DTNA: variants seen among roughly 807,000 people sequenced by gnomAD.
DTNA encodes the protein dystrophin-related protein 3.
Under a neutral mutation model 100.7 loss-of-function variants are expected in DTNA, and 43 were observed. That is an observed-to-expected ratio of 0.43 (90% CI 0.33 to 0.55). DTNA has a LOEUF of 0.55. Ranked by LOEUF, DTNA falls within the 20% of genes least tolerant of loss-of-function variation. DTNA has a pLI of 0.04. For missense variants in DTNA, 798 were observed against 953.9 expected, an observed-to-expected ratio of 0.84 and a Z score of 2.15; for synonymous variants, 349 against 347.9, an observed-to-expected ratio of 1.00 and a Z score of -0.04.
intron 1 of DTNA, chr18:34,558,163 C>A (rs2730108): frequency 0.2 from 30,150 of 152,902 alleles, 3,510 homozygotes; most frequent in African/African-American, 0.31. Context: ...TTCTTTGACT[C>A]GGAAAGGGAA....
intron 1 of DTNA, among the ~76,000 whole-genome samples, chr18:34,575,027 C>A (rs150194763): frequency 2.0e-5 from 3 of 152,194 alleles, no homozygotes; most frequent in African/African-American, 7.2e-5. Flanking sequence ...AGTACAACAA[C>A]GTAGAAATAA....
intron 1 of DTNA, among the ~76,000 whole-genome samples, chr18:34,545,178 G>T (rs139917492): frequency 2.6e-5 from 4 of 151,960 alleles, no homozygotes; most frequent in Non-Finnish European, 5.9e-5. Flanking sequence ...TCCAGGCAGC[G>T]CTTGGAACAA....
At chr18:34,748,984 A>T (rs12961782) in intron 1 of DTNA, among the ~76,000 whole-genome samples, 11,322 of 152,110 alleles carry the variant, frequency 0.074, 488 homozygotes, top group African/African-American at 0.091. Flanking sequence ...TTCTTTCAGC[A>T]GTGTTTTATA....
At chr18:34,572,468 C>A (rs1237490840) in intron 1 of DTNA, among the ~76,000 whole-genome samples, 5 of 152,028 alleles carry the variant, frequency 3.3e-5, no homozygotes, top group African/African-American at 1.2e-4. Context: ...CTGGGTGAGG[C>A]CAATATTATT....
chr18:34,521,268 T>A (rs901147011), intron 1 of DTNA, among the ~76,000 whole-genome samples: 1 of 152,108 alleles, frequency 6.6e-6, no homozygotes, highest in Non-Finnish European at 1.5e-5. Context: ...GTAAGTTCTG[T>A]CAGCTGTGCC....
intron 1 of DTNA, among the ~76,000 whole-genome samples, chr18:34,644,132 C>T (rs1568104538): frequency 6.6e-6 from 1 of 152,130 alleles, no homozygotes; most frequent in East Asian, 1.9e-4. Context: ...GCTTCCCTCA[C>T]CAGATCGTGG....
chr18:34,625,157 C>T (rs1378285488), intron 1 of DTNA, among the ~76,000 whole-genome samples: 1 of 152,118 alleles, frequency 6.6e-6, no homozygotes, highest in Non-Finnish European at 1.5e-5. Flanking sequence ...GCCTCAGCCT[C>T]CTGAGTAGCT....
chr18:34,824,953 AT>A (rs1232064350), intron 9 of DTNA, among the ~76,000 whole-genome samples: 5 of 133,632 alleles, frequency 3.7e-5, no homozygotes, highest in African/African-American at 1.3e-4. Flanking sequence ...AAAAAAAAAA[AT>A]TAAATCAATA....
chr18:34,797,746 T>G (rs1027910182), intron 4 of DTNA, among the ~76,000 whole-genome samples: 14 of 152,194 alleles, frequency 9.2e-5, no homozygotes, highest in Admixed American at 2.0e-4. Flanking sequence ...ACTCTGAGGT[T>G]CTGTGAAGCC....
Position 34,890,339 on chromosome 18 carries a change from C to T in DTNA, c.*2605C>T, listed in dbSNP as rs776661227. 35 of 1,535,954 alleles carry T rather than the reference C, an allele frequency of 2.3e-5. No homozygotes were observed. The highest frequency in any genetic ancestry group is 2.4e-5 in the East Asian group (1 of 40,924). On this transcript the variant is annotated 3_prime_UTR_variant, in exon 23 of 23. Transcript: ENST00000444659. Reference sequence around the variant, plus strand: ...TGAGACCAGACTCGAGCACCCCTGTCCTGTAAGCGAGACAAAATGGCGTGT... The same window carrying T: ...TGAGACCAGACTCGAGCACCCCTGTTCTGTAAGCGAGACAAAATGGCGTGT...
chr18:34,751,710 C>G (rs918126412), intron 1 of DTNA, among the ~76,000 whole-genome samples: 3 of 152,196 alleles, frequency 2.0e-5, no homozygotes, highest in Non-Finnish European at 2.9e-5. Context: ...TTTATTTGAT[C>G]CTATTTCAGA....
At chr18:34,716,602 T>C (rs560444136) in intron 1 of DTNA, among the ~76,000 whole-genome samples, 1 of 152,232 alleles carries the variant, frequency 6.6e-6, no homozygotes, top group Non-Finnish European at 1.5e-5. Context: ...CAAGAAGTCA[T>C]AGACATGGCT....
intron 1 of DTNA, among the ~76,000 whole-genome samples, chr18:34,640,884 C>T (rs1374149864): frequency 2.6e-5 from 4 of 152,082 alleles, no homozygotes; most frequent in African/African-American, 9.7e-5. Flanking sequence ...CTTTTCATTG[C>T]ATAGAAAGGA....
chr18:34,797,184 T>G (rs957011123), intron 4 of DTNA, among the ~76,000 whole-genome samples: 2 of 152,192 alleles, frequency 1.3e-5, no homozygotes, highest in African/African-American at 2.4e-5. Context: ...TTTTGTTTTT[T>G]GTGACATTCC....
intron 3 of DTNA, 105 bp downstream of exon 3, chr18:34,766,146 G>T: frequency 3.2e-6 from 4 of 1,263,760 alleles, no homozygotes; most frequent in Non-Finnish European, 4.5e-6. Context: ...TGCTAATATT[G>T]TTATATATGT....
chr18:34,854,338 G>T (rs1049263944), intron 15 of DTNA, among the ~76,000 whole-genome samples: 1 of 152,218 alleles, frequency 6.6e-6, no homozygotes, highest in African/African-American at 2.4e-5. Context: ...GTCAGAATTG[G>T]AATGTAAAGC....
Position 34,840,984 on chromosome 18 carries a change from A to T in DTNA, c.1346+2147A>T, listed in dbSNP as rs114741383. Among the ~76,000 whole-genome samples the T allele has an allele frequency of 2.1e-3, 321 of 152,254 alleles. 1 individual carries two copies. The highest frequency in any genetic ancestry group is 7.3e-3 in the African/African-American group (305 of 41,546). On this transcript the variant is annotated intron_variant, in intron 13 of 22. Coordinates refer to ENST00000444659, the MANE Select transcript of DTNA (RefSeq NM_001386795.1). ...TACCATCATTAAGTTACAGTGAGAC[A>T]TATAATAATAGTAATAATAATAGTA... is the stretch of plus-strand genomic sequence containing the variant.
intron 1 of DTNA, among the ~76,000 whole-genome samples, chr18:34,616,215 G>C (rs1490069094): frequency 6.6e-6 from 1 of 152,144 alleles, no homozygotes; most frequent in East Asian, 1.9e-4. Flanking sequence ...CAACGTATAA[G>C]TGCTCCCTTT....
chr18:34,605,242 G>T (rs1219595673), intron 1 of DTNA, among the ~76,000 whole-genome samples: 2 of 151,950 alleles, frequency 1.3e-5, no homozygotes, highest in African/African-American at 4.8e-5. Context: ...TGGTCTTTGA[G>T]GGTTTAGAAC....
Sources: gnomAD v4.1 joint callset for allele counts (sites outside exome capture counted in the v4.1 genomes callset) on GRCh38, gnomAD v4.1.1 for gene constraint, MANE v1.5 for transcripts, NCBI Gene and HGNC (gene_info 2026-07-23, HGNC 2026-07-21) for gene names.